The following ZRANB2 variants were observed in gnomAD, a reference collection of about 807,000 sequenced individuals.
ZRANB2 encodes the protein zinc finger RANBP2-type containing 2.
In ZRANB2, 19 loss-of-function variants were observed where a neutral mutation model predicts 53.4. The observed-to-expected ratio is 0.36, with a 90% confidence interval of 0.25 to 0.52. The LOEUF is 0.52. ZRANB2 is among the 20% of genes least tolerant of loss of function. The pLI is 0.93. For synonymous variants in ZRANB2, 145 were observed against 134.8 expected, an observed-to-expected ratio of 1.08 and a Z score of -0.52; for missense variants, 309 against 401.1, an observed-to-expected ratio of 0.77 and a Z score of 1.96.
chr1:71,080,427 C>T (rs1168776836), intron 1 of ZRANB2, among the ~76,000 whole-genome samples: 3 of 151,868 alleles, frequency 2.0e-5, no homozygotes, highest in African/African-American at 7.3e-5. Context: ...TTTCCCAAAC[C>T]GAAGAGGGTA....
At chr1:71,069,617 T>C in intron 7 of ZRANB2, 1 of 247,632 alleles carries the variant, frequency 4.0e-6, no homozygotes, top group Non-Finnish European at 7.7e-6. Flanking sequence ...TATCACTTTA[T>C]TACAAAAACA....
chr1:71,079,378 G>A (rs774052448), intron 1 of ZRANB2, among the ~76,000 whole-genome samples: 1 of 152,074 alleles, frequency 6.6e-6, no homozygotes, highest in African/African-American at 2.4e-5. Context: ...AAGAATTACT[G>A]GTTCACTCAC....
chr1:71,076,674 T>C (rs1557794317), intron 4 of ZRANB2, 121 bp downstream of exon 4: 1 of 750,650 alleles, frequency 1.3e-6, no homozygotes, highest in Non-Finnish European at 2.2e-6. Context: ...TAACAAACAT[T>C]CAGGGCAGAA....
chr1:71,080,151 T>C lies in ZRANB2; in HGVS notation c.56+789A>G, dbSNP rs142136749. On this transcript the variant is annotated intron_variant, in intron 1 of 9. Transcript: ENST00000370920. ...TAAAAGGCTTTTATGTGAACATGAG[T>C]TGTACATTAAATTATTTTCCATGTT... Among the ~76,000 whole-genome samples, 305 of 152,212 alleles carry C rather than the reference T, an allele frequency of 2.0e-3. 3 individuals carry two copies. Among genetic ancestry groups the C allele is most frequent in the Non-Finnish European group, 9.3e-4 (63 of 68,006 alleles).
intron 4 of ZRANB2, among the ~76,000 whole-genome samples, chr1:71,075,433 A>G (rs1661687640): frequency 6.6e-6 from 1 of 152,134 alleles, no homozygotes; most frequent in Non-Finnish European, 1.5e-5. Context: ...TTTGAATATA[A>G]TGAGTTTGAC....
Position 71,070,865 on chromosome 1 carries a change from T to G in ZRANB2, c.645A>C (p.Ser215=), listed in dbSNP as rs779019050. The part of the protein sequence containing the change: ...KSRSSHSRSS[S]RSSSPSSSRS... Reference sequence around the variant, plus strand: ...TTGAACTTGAGGGGGAGGATGAGCGTGATGAAGATCGTGAATGTGAAGATC... The same window carrying G: ...TTGAACTTGAGGGGGAGGATGAGCGGGATGAAGATCGTGAATGTGAAGATC... The change falls in exon 7 of 10, where the codon TCA becomes TCC. Residue 215 remains serine (S), a synonymous_variant. Transcript: ENST00000370920. 4 of 1,608,268 alleles carry G rather than the reference T, an allele frequency of 2.5e-6. No homozygotes were observed. The Admixed American group carries it at 6.7e-5, about 27-fold the overall frequency.
At chr1:71,070,722 A>G (rs1218367402) in intron 7 of ZRANB2, 105 bp downstream of exon 7, 1 of 670,294 alleles carries the variant, frequency 1.5e-6, no homozygotes, top group Non-Finnish European at 2.3e-6. Flanking sequence ...TAAATTTTTA[A>G]AATAAAAAGG....
intron 1 of ZRANB2, among the ~76,000 whole-genome samples, chr1:71,078,968 A>G (rs1661772362): frequency 6.6e-6 from 1 of 152,210 alleles, no homozygotes; most frequent in Non-Finnish European, 1.5e-5. Flanking sequence ...CTCTGCCTCA[A>G]GTCCTCACAT....
At position 71,080,952 on chromosome 1, in the gene ZRANB2, C is replaced by T; in HGVS notation, c.44G>A (p.Cys15Tyr). ...TTCTTGAACTCACTTTTTGTCAGGG[C>T]AAATCCAGTCCCCGTCACTGACTCG... The part of the protein sequence containing the change: ...NFRVSDGDWI[C>Y]PDKKCGNVNF... Residue 15 changes from cysteine (C) to tyrosine (Y), a missense_variant, in exon 1 of 10, where the codon TGC becomes TAC. Transcript: ENST00000370920. 1 of 1,614,118 alleles carries T rather than the reference C, an allele frequency of 6.2e-7. No homozygotes were observed. Among genetic ancestry groups the T allele is most frequent in the Non-Finnish European group, 8.5e-7 (1 of 1,180,024 alleles).
chr1:71,069,184 G>A (rs1315412061), intron 8 of ZRANB2, 92 bp downstream of exon 8: 2 of 1,029,328 alleles, frequency 1.9e-6, no homozygotes, highest in Admixed American at 5.3e-5. Context: ...TCGACAAGTA[G>A]AAGCAAAATA....
At chr1:71,067,280 T>C (rs887808125) in intron 8 of ZRANB2, 1 of 180,502 alleles carries the variant, frequency 5.5e-6, no homozygotes, top group African/African-American at 2.4e-5. Context: ...ACTTTACGTT[T>C]AGGAACTACA....
At chr1:71,078,635 G>A (rs542170279) in intron 2 of ZRANB2, 21 bp downstream of exon 2, 1 of 1,610,760 alleles carries the variant, frequency 6.2e-7, no homozygotes, top group Non-Finnish European at 8.5e-7. Flanking sequence ...AGTATAAATA[G>A]AATCTTCTTT....
At chr1:71,075,867 AT>A (rs1299968520) in intron 4 of ZRANB2, among the ~76,000 whole-genome samples, 1 of 150,464 alleles carries the variant, frequency 6.6e-6, no homozygotes, top group African/African-American at 2.5e-5. Flanking sequence ...ACATTATGTT[AT>A]AATGTTCTCA....
intron 4 of ZRANB2, 38 bp downstream of exon 4, chr1:71,076,757 A>C: frequency 2.7e-6 from 4 of 1,476,176 alleles, no homozygotes; most frequent in Non-Finnish European, 3.8e-6. Context: ...TTAGTGCTTT[A>C]AAAAAAATCA....
chr1:71,079,641 A>G (rs1661791360), intron 1 of ZRANB2, among the ~76,000 whole-genome samples: 1 of 152,206 alleles, frequency 6.6e-6, no homozygotes, highest in Non-Finnish European at 1.5e-5. Flanking sequence ...ATTTAAACAT[A>G]TTGTACAAAC....
chr1:71,065,393 A>C (rs1661402100), intron 9 of ZRANB2, among the ~76,000 whole-genome samples: 1 of 152,092 alleles, frequency 6.6e-6, no homozygotes, highest in African/African-American at 2.4e-5. Context: ...GCCACCTCTC[A>C]ATTATTTAAG....
chr1:71,065,722 G>C (rs1218997427), intron 9 of ZRANB2: 2 of 1,612,628 alleles, frequency 1.2e-6, no homozygotes, highest in Non-Finnish European at 8.5e-7. Context: ...CCTGGGCTCA[G>C]GGTTGTTTAG....
At chr1:71,069,050 T>C (rs1486008937) in intron 8 of ZRANB2, among the ~76,000 whole-genome samples, 2 of 152,128 alleles carry the variant, frequency 1.3e-5, no homozygotes, top group African/African-American at 2.4e-5. Context: ...ACGCTGCATA[T>C]TGCAAAATAG....
Position 71,069,284 on chromosome 1 carries a change from C to T in ZRANB2, c.762G>A (p.Ser254=), listed in dbSNP as rs747924651. Residue 254 remains serine, a synonymous_variant, in exon 8 of 10, where the codon TCG becomes TCA. Transcript: ENST00000370920. ...GATGCTACCTCATTCACCTTGATTT[C>T]GACCCACGAGATCTCGAACGTTCTC... ...SSRERSRSRG[S]KSRSSSRSHR... 1.1e-5 allele frequency: 17 copies of T among 1,610,816 alleles called. No individual in the cohort carries two copies. The highest frequency in any genetic ancestry group is 6.7e-5 in the East Asian group (3 of 44,716).
Sources: allele counts gnomAD v4.1 joint callset (sites outside exome capture counted in the v4.1 genomes callset), GRCh38; gene constraint gnomAD v4.1.1; transcripts MANE v1.5; gene names NCBI Gene and HGNC (gene_info 2026-07-23, HGNC 2026-07-21).